Variants in SPAG9 observed in about 807,000 individuals in gnomAD.
SPAG9 encodes the protein sperm associated antigen 9.
SPAG9 carries 35 observed loss-of-function variants against 166.5 expected under a neutral mutation model. That is an observed-to-expected ratio of 0.21 (90% confidence interval 0.16 to 0.28). The LOEUF is 0.28. Among genes scored for constraint, SPAG9 ranks in the 10% least tolerant of loss-of-function variants. The pLI, the probability that SPAG9 is intolerant of heterozygous loss-of-function variation, is 1.00. For missense variants in SPAG9, 1,235 were observed against 1,603.3 expected, an observed-to-expected ratio of 0.77 and a Z score of 3.92; for synonymous variants, 534 against 565.5, an observed-to-expected ratio of 0.94 and a Z score of 0.79.
chr17:51,083,774 C>G (rs2048233875), intron 1 of SPAG9, among the ~76,000 whole-genome samples: 1 of 151,774 alleles, frequency 6.6e-6, no homozygotes, highest in Non-Finnish European at 1.5e-5. Flanking sequence ...GGTTCTTAAT[C>G]ATTAGGGGGT....
intron 21 of SPAG9, among the ~76,000 whole-genome samples, chr17:50,987,827 T>C (rs538667046): frequency 2.0e-5 from 3 of 152,362 alleles, no homozygotes; most frequent in African/African-American, 7.2e-5. Flanking sequence ...ATATGTTTAA[T>C]ATTCTATCAC....
At chr17:51,005,347 A>G in intron 11 of SPAG9, 84 bp from the exon 12 acceptor site, 1 of 1,249,716 alleles carries the variant, frequency 8.0e-7, no homozygotes, top group Non-Finnish European at 1.2e-6. Context: ...AACAATTTTA[A>G]CTACCACTAA....
chr17:51,092,191 T>C (rs1256814771), intron 1 of SPAG9, among the ~76,000 whole-genome samples: 3 of 152,108 alleles, frequency 2.0e-5, no homozygotes, highest in Non-Finnish European at 4.4e-5. Context: ...TTTTTAAATG[T>C]AATTTCTTTT....
At position 51,065,618 on chromosome 17, in the gene SPAG9, C is replaced by T. The variant is rs143638211; in HGVS notation, c.425-9136G>A. On this transcript the variant is annotated intron_variant, in intron 2 of 29. Coordinates refer to ENST00000262013, the MANE Select transcript of SPAG9 (RefSeq NM_001130528.3). ...CTTGGGCAAAATAACATACTAATGG[C>T]CCCCACTAAGGCTGTTAAGCTGAGG... is the stretch of plus-strand genomic sequence containing the variant. Among the ~76,000 whole-genome samples, 1,038 of 152,292 alleles carry T rather than the reference C, an allele frequency of 6.8e-3. 14 individuals carry two copies. Among genetic ancestry groups the T allele is most frequent in the African/African-American group, 0.023 (952 of 41,544 alleles).
chr17:50,981,822 G>C (rs1283712695), intron 25 of SPAG9, among the ~76,000 whole-genome samples: 2 of 151,732 alleles, frequency 1.3e-5, no homozygotes. Context: ...ACGAGGTTGG[G>C]AGTTCGAGAC....
Position 51,083,848 on chromosome 17 carries a change from G to A in SPAG9, c.304-4144C>T, listed in dbSNP as rs182625367. ...ATATTTCCCCAGAAAAAACGCCCCC[G>A]CCCATGTCAAATGCCACCTATTTTT... On this transcript the variant is annotated intron_variant, in intron 1 of 29. Coordinates refer to ENST00000262013, the MANE Select transcript of SPAG9 (RefSeq NM_001130528.3). 1.4e-4 allele frequency among the ~76,000 whole-genome samples: 22 copies of A among 151,998 alleles called. 1 individual carries two copies. Among genetic ancestry groups the A allele is most frequent in the African/African-American group, 3.4e-4 (14 of 41,462 alleles).
rs1973329638 is a variant in SPAG9, at chr17:50,965,805, T to C, written c.*467A>G. On this transcript the variant is annotated 3_prime_UTR_variant, in exon 30 of 30. Transcript: ENST00000262013. ...AACCCTCTCGGGACATTTAGATACA[T>C]CCTGATAATCCATCTTGTATTAGTG... is the stretch of plus-strand genomic sequence containing the variant. The C allele has an allele frequency of 6.4e-6, 1 of 156,042 alleles. No homozygotes were observed. The allele number at this position is 156,042 out of a possible 1,614,324, so 9.7% of individuals were successfully genotyped here. A position where few individuals can be genotyped will look rare whatever the true frequency, so the allele number is the denominator to read the frequency against.
At chr17:51,090,609 C>T (rs1239287574) in intron 1 of SPAG9, among the ~76,000 whole-genome samples, 1 of 152,022 alleles carries the variant, frequency 6.6e-6, no homozygotes, top group Non-Finnish European at 1.5e-5. Flanking sequence ...ACAAGAGAGC[C>T]CTATGTTCTA....
chr17:51,034,635 AGAC>A (rs1421735127), intron 5 of SPAG9, among the ~76,000 whole-genome samples: 5 of 152,210 alleles, frequency 3.3e-5, no homozygotes, highest in African/African-American at 9.6e-5. Context: ...GGAGGGAAGA[AGAC>A]AACTCTCCCT....
intron 1 of SPAG9, among the ~76,000 whole-genome samples, chr17:51,099,512 T>A (rs367816787): frequency 6.6e-6 from 1 of 151,266 alleles, no homozygotes; most frequent in Middle Eastern, 3.4e-3. Flanking sequence ...CATCTCAGCA[T>A]GCAAAAAGTT....
intron 9 of SPAG9, among the ~76,000 whole-genome samples, chr17:51,009,800 G>C (rs1389713400): frequency 6.6e-6 from 1 of 152,094 alleles, no homozygotes; most frequent in Admixed American, 6.5e-5. Context: ...GGATGAAGTA[G>C]AAATAAAGCC....
At chr17:50,996,452 A>C in intron 16 of SPAG9, 113 bp downstream of exon 16, 1 of 1,237,038 alleles carries the variant, frequency 8.1e-7, no homozygotes, top group East Asian at 2.4e-5. Context: ...TGCCCAGTCC[A>C]TGCGGCTGAG....
At chr17:51,100,266 A>G (rs2048771924) in intron 1 of SPAG9, among the ~76,000 whole-genome samples, 1 of 152,144 alleles carries the variant, frequency 6.6e-6, no homozygotes, top group South Asian at 2.1e-4. Flanking sequence ...AACTGAGCCA[A>G]TTATGGACTG....
chr17:51,070,942 A>G (rs2047804864), intron 2 of SPAG9, among the ~76,000 whole-genome samples: 2 of 152,182 alleles, frequency 1.3e-5, no homozygotes, highest in African/African-American at 4.8e-5. Context: ...TTATACAACA[A>G]GGAAAAATAC....
intron 8 of SPAG9, among the ~76,000 whole-genome samples, chr17:51,014,840 C>A (rs1295860698): frequency 2.0e-5 from 3 of 150,180 alleles, no homozygotes; most frequent in Middle Eastern, 3.4e-3. Context: ...ACTAAAGAAA[C>A]CCATGATACA....
chr17:50,972,131 A>G (rs1271952393), intron 28 of SPAG9, among the ~76,000 whole-genome samples: 1 of 152,198 alleles, frequency 6.6e-6, no homozygotes, highest in Non-Finnish European at 1.5e-5. Flanking sequence ...CCTGGGCTCA[A>G]GTGATCCTCC....
At chr17:51,110,234 T>C (rs984947635) in intron 1 of SPAG9, among the ~76,000 whole-genome samples, 4 of 152,162 alleles carry the variant, frequency 2.6e-5, no homozygotes, top group African/African-American at 9.7e-5. Flanking sequence ...CATCCACATA[T>C]ACAGACAGAT....
chr17:51,024,425 G>A (rs2046071359), intron 6 of SPAG9, among the ~76,000 whole-genome samples: 1 of 151,886 alleles, frequency 6.6e-6, no homozygotes, highest in South Asian at 2.1e-4. Flanking sequence ...GCATATCCAT[G>A]TTAAGAGTAC....
intron 8 of SPAG9, chr17:51,016,119 A>G (rs1231537431): frequency 6.6e-6 from 1 of 152,184 alleles, no homozygotes; most frequent in East Asian, 1.9e-4. Context: ...TGATGGAAAA[A>G]AAATCTCCCA....
Sources: gnomAD v4.1 joint callset for allele counts (sites outside exome capture counted in the v4.1 genomes callset) on GRCh38, gnomAD v4.1.1 for gene constraint, MANE v1.5 for transcripts, NCBI Gene and HGNC (gene_info 2026-07-23, HGNC 2026-07-21) for gene names.